Variants in NUDCD1 observed in about 807,000 individuals in gnomAD.
The protein encoded by NUDCD1 is nudC domain-containing protein 1.
Under a neutral mutation model 67.8 loss-of-function variants are expected in NUDCD1, and 60 were observed. The observed-to-expected ratio is 0.88, with a 90% CI of 0.72 to 1.10. NUDCD1 has a LOEUF of 1.10. Ranked by LOEUF, NUDCD1 falls within the 50% of genes least tolerant of loss-of-function variation. The pLI is 0.00. For missense variants in NUDCD1, 643 were observed against 695.0 expected (o/e 0.93, Z 0.84); for synonymous variants, 244 against 230.8 (o/e 1.06, Z -0.52).
intron 2 of NUDCD1, among the ~76,000 whole-genome samples, chr8:109,309,093 C>A (rs1017222913): frequency 3.3e-5 from 5 of 152,226 alleles, no homozygotes; most frequent in Non-Finnish European, 5.9e-5. Flanking sequence ...AGAGGGAAGC[C>A]TCCCTAAATC....
intron 5 of NUDCD1, among the ~76,000 whole-genome samples, chr8:109,288,971 TTG>T (rs1302716828): frequency 6.7e-6 from 1 of 150,034 alleles, no homozygotes; most frequent in East Asian, 1.9e-4. Flanking sequence ...CTGAAATTTC[TTG>T]TTAGTCTTTT....
chr8:109,301,341 T>C (rs952271630), intron 2 of NUDCD1, among the ~76,000 whole-genome samples: 1 of 152,222 alleles, frequency 6.6e-6, no homozygotes, highest in African/African-American at 2.4e-5. Context: ...GAATGTACTT[T>C]GTACACCTAT....
intron 8 of NUDCD1, among the ~76,000 whole-genome samples, chr8:109,265,329 G>GA (rs935620770): frequency 1.1e-4 from 16 of 149,498 alleles, no homozygotes; most frequent in South Asian, 4.3e-4. Flanking sequence ...AATATGGAGG[G>GA]AAAAAAAAAG....
At chr8:109,253,775 G>A (rs766577572) in intron 8 of NUDCD1, among the ~76,000 whole-genome samples, 2 of 152,106 alleles carry the variant, frequency 1.3e-5, no homozygotes, top group Non-Finnish European at 1.5e-5. Context: ...TTAAAATGAA[G>A]TGTGATAAAA....
chr8:109,263,070 A>AAAAAAC (rs1813907030), intron 8 of NUDCD1, among the ~76,000 whole-genome samples: 1 of 150,282 alleles, frequency 6.7e-6, no homozygotes, highest in South Asian at 2.1e-4. Context: ...AAAAAAAAAA[A>AAAAAAC]AAAAAAAAAC....
chr8:109,253,010 C>T (rs1813655505), intron 8 of NUDCD1, among the ~76,000 whole-genome samples: 1 of 152,174 alleles, frequency 6.6e-6, no homozygotes, highest in Non-Finnish European at 1.5e-5. Flanking sequence ...TCCAAATATA[C>T]AAGTAGCCAA....
chr8:109,287,861 A>C (rs912968444), intron 5 of NUDCD1, among the ~76,000 whole-genome samples: 1 of 152,014 alleles, frequency 6.6e-6, no homozygotes, highest in South Asian at 2.1e-4. Flanking sequence ...TTTTTTAATC[A>C]CCTCCCCATT....
chr8:109,296,490 G>A lies in NUDCD1; in HGVS notation c.353C>T (p.Ser118Phe), dbSNP rs1445686104. The change falls in exon 3 of 10, where the codon TCT (serine) becomes TTT (phenylalanine). Residue 118 changes from serine (S) to phenylalanine (F), a missense_variant. Coordinates refer to ENST00000239690, the MANE Select transcript of NUDCD1 (RefSeq NM_032869.4). ...LTACDNRLCA[S>F]IHFSSSTWVT... ...CCAGGTAGAAGATGAGAAATGGATA[G>A]ATGCACAAAGACGGTTGTCACATGC... 2 of 1,613,106 alleles carry A rather than the reference G, an allele frequency of 1.2e-6. No homozygotes were observed. The highest frequency in any genetic ancestry group is 2.7e-5 in the African/African-American group (2 of 74,894).
chr8:109,270,898 C>T (rs934853027), intron 8 of NUDCD1, 107 bp downstream of exon 8: 22 of 689,030 alleles, frequency 3.2e-5, no homozygotes, highest in Middle Eastern at 8.7e-4. Flanking sequence ...TGAGACTTAT[C>T]AAAGCCAGTA....
chr8:109,243,432 G>T, intron 9 of NUDCD1, 131 bp from the exon 10 acceptor site: 2 of 630,114 alleles, frequency 3.2e-6, no homozygotes, highest in Non-Finnish European at 5.1e-6. Flanking sequence ...TATACCATAA[G>T]GTATATAATT....
intron 2 of NUDCD1, chr8:109,316,431 T>C (rs920186348): frequency 3.3e-5 from 5 of 152,192 alleles, no homozygotes; most frequent in Non-Finnish European, 2.9e-5. Flanking sequence ...ACTACAACAG[T>C]TCAGGTTTAA....
chr8:109,297,677 T>C (rs1222172580), intron 2 of NUDCD1, among the ~76,000 whole-genome samples: 1 of 152,224 alleles, frequency 6.6e-6, no homozygotes, highest in Non-Finnish European at 1.5e-5. Context: ...GCTCCAGAAC[T>C]CAGAGAAATA....
At chr8:109,312,503 A>C (rs1288941217) in intron 2 of NUDCD1, among the ~76,000 whole-genome samples, 3 of 152,176 alleles carry the variant, frequency 2.0e-5, no homozygotes, top group Admixed American at 2.0e-4. Context: ...GGTTTTATTA[A>C]GTTTTATGTT....
At chr8:109,287,993 C>T (rs999542578) in intron 5 of NUDCD1, among the ~76,000 whole-genome samples, 3 of 151,922 alleles carry the variant, frequency 2.0e-5, no homozygotes, top group Non-Finnish European at 2.9e-5. Context: ...TATTAAAATG[C>T]CAAATAGCCA....
intron 8 of NUDCD1, among the ~76,000 whole-genome samples, chr8:109,264,744 T>C (rs1328746256): frequency 6.6e-6 from 1 of 152,104 alleles, no homozygotes; most frequent in African/African-American, 2.4e-5. Flanking sequence ...TCAACTACAG[T>C]ATCATATTGC....
At chr8:109,270,147 T>A (rs1444742428) in intron 8 of NUDCD1, among the ~76,000 whole-genome samples, 4 of 143,104 alleles carry the variant, frequency 2.8e-5, no homozygotes, top group Non-Finnish European at 6.0e-5. Flanking sequence ...GAAAAACAAA[T>A]TCCAGATGAA....
intron 8 of NUDCD1, among the ~76,000 whole-genome samples, chr8:109,269,643 T>C (rs1236478335): frequency 1.3e-5 from 2 of 152,120 alleles, no homozygotes; most frequent in Non-Finnish European, 2.9e-5. Flanking sequence ...CAGACATTTT[T>C]CAGGTTTTTC....
chr8:109,308,971 CAA>C (rs34837773), intron 2 of NUDCD1, among the ~76,000 whole-genome samples: 4,347 of 116,342 alleles, frequency 0.037, 227 homozygotes, highest in African/African-American at 0.13. Flanking sequence ...GAGTCCATCT[CAA>C]AAAAAAAAAA....
intron 8 of NUDCD1, among the ~76,000 whole-genome samples, chr8:109,248,770 C>T (rs936368271): frequency 6.6e-6 from 1 of 150,790 alleles, no homozygotes; most frequent in Non-Finnish European, 1.5e-5. Flanking sequence ...GAAAGCTTTT[C>T]GAAACCTGAC....
Sources: gnomAD v4.1 joint callset for allele counts (sites outside exome capture counted in the v4.1 genomes callset) on GRCh38, gnomAD v4.1.1 for gene constraint, MANE v1.5 for transcripts, NCBI Gene and HGNC (gene_info 2026-07-23, HGNC 2026-07-21) for gene names.